FOXJ2: variants seen among roughly 807,000 people sequenced by gnomAD.
FOXJ2 encodes forkhead box protein J2.
In FOXJ2, 18 loss-of-function variants were observed where a neutral mutation model predicts 68.4. The ratio of observed to expected loss-of-function variants is 0.26; its 90% CI spans 0.18 to 0.39. The LOEUF is 0.39. Ranked by LOEUF, FOXJ2 falls within the 10% of genes least tolerant of loss-of-function variation. FOXJ2 has a pLI of 1.00. For missense variants in FOXJ2, 670 were observed against 726.5 expected (o/e 0.92, Z 0.89); for synonymous variants, 274 against 263.2 (o/e 1.04, Z -0.40).
rs778446450 is a variant in FOXJ2 at position 8,047,979 on chromosome 12, G to A, written c.915G>A (p.Gln305=). ...CACCTCAACAGCAGCAGCAGCAGCA[G>A]CAGCCGCCACAGCCACCTCCCCAGC... ...PPPPQQQQQQ[Q]QPPQPPPQQS... Residue 305 remains glutamine (Q), a synonymous_variant, in exon 7 of 11, where the codon CAG becomes CAA. Transcript: ENST00000162391. 5.6e-6 allele frequency: 9 copies of A among 1,612,874 alleles called. No individual in the cohort carries two copies. Among genetic ancestry groups the A allele is most frequent in the African/African-American group, 4.0e-5 (3 of 74,896 alleles).
chr12:8,048,644 G>T (rs1565630559), intron 7 of FOXJ2, 53 bp from the exon 8 acceptor site: 73 of 1,494,354 alleles, frequency 4.9e-5, no homozygotes, highest in Non-Finnish European at 6.7e-5. Context: ...TCAGTTGACT[G>T]CTGTCTTACA....
In FOXJ2 at chr12:8,048,084, C is replaced by G; in HGVS notation, c.1020C>G (p.Ser340Arg). ...VGGAPPLHTP[S>R]TDGCTPPGGK... Reference sequence around the variant, plus strand: ...GTGCTCCTCCACTGCACACCCCAAGCACAGATGGTTGTACCCCACCAGGGG... The same window carrying G: ...GTGCTCCTCCACTGCACACCCCAAGGACAGATGGTTGTACCCCACCAGGGG... Residue 340 changes from serine to arginine, a missense_variant, in exon 7 of 11, where the codon AGC (serine) becomes AGG (arginine). Physicochemically the swap from Ser to Arg is moderately radical, Grantham distance 110. This residue lies in a region of FOXJ2 where 555 missense variants were observed against 562.2 expected (regional missense o/e 0.99). Coordinates refer to ENST00000162391, the MANE Select transcript of FOXJ2 (RefSeq NM_018416.3). 6.2e-7 allele frequency: 1 copy of G among 1,612,164 alleles called. No individual in the cohort carries two copies. Among genetic ancestry groups the G allele is most frequent in the South Asian group, 1.1e-5 (1 of 90,864 alleles).
chr12:8,041,513 T>C (rs376763364), intron 2 of FOXJ2, among the ~76,000 whole-genome samples: 67 of 144,266 alleles, frequency 4.6e-4, no homozygotes, highest in Middle Eastern at 3.6e-3. Flanking sequence ...CAGCCTCTCT[T>C]TTTTTTTTTT....
At chr12:8,037,003 C>T (rs1946905140) in intron 1 of FOXJ2, among the ~76,000 whole-genome samples, 3 of 152,266 alleles carry the variant, frequency 2.0e-5, no homozygotes, top group South Asian at 4.2e-4. Context: ...AAAGGAAAAT[C>T]GCTTGAACCT....
In FOXJ2 at chr12:8,040,052, C is replaced by T; in HGVS notation, c.220C>T (p.Leu74Phe). ...DGKPRYSYATLITYAINSSPA... is the reference protein window; with the variant it reads ...DGKPRYSYATFITYAINSSPA... Reference sequence around the variant, plus strand: ...CAAGCCACGATACAGCTATGCCACTCTCATCACCTATGCCATCAACTCCTC... The same window carrying T: ...CAAGCCACGATACAGCTATGCCACTTTCATCACCTATGCCATCAACTCCTC... Residue 74 changes from leucine to phenylalanine, a missense_variant, in exon 2 of 11, where the codon CTC (leucine) becomes TTC (phenylalanine). Physicochemically the swap from Leu to Phe is conservative, Grantham distance 22. Coordinates refer to ENST00000162391, the MANE Select transcript of FOXJ2 (RefSeq NM_018416.3). This position sits in a 1 kb window ranked among gnomAD's most constrained non-coding sequence, Gnocchi z 4.0. 1 of 1,614,162 alleles carries T rather than the reference C, an allele frequency of 6.2e-7. No individual in the cohort carries two copies. Among genetic ancestry groups the T allele is most frequent in the Non-Finnish European group, 8.5e-7 (1 of 1,180,030 alleles).
chr12:8,036,455 C>CT (rs1234565742), intron 1 of FOXJ2, among the ~76,000 whole-genome samples: 4 of 152,172 alleles, frequency 2.6e-5, no homozygotes, highest in African/African-American at 9.7e-5. Context: ...GGACCCTGCC[C>CT]TTTGGCTGCC....
chr12:8,043,642 C>T, intron 3 of FOXJ2, 59 bp from the exon 4 acceptor site: 1 of 1,569,804 alleles, frequency 6.4e-7, no homozygotes, highest in South Asian at 1.1e-5. Flanking sequence ...ATACCCAGAA[C>T]CCTGGGAGGT....
intron 9 of FOXJ2, 99 bp from the exon 10 acceptor site, chr12:8,050,423 A>G: frequency 1.3e-6 from 2 of 1,487,556 alleles, no homozygotes; most frequent in South Asian, 2.8e-5. Flanking sequence ...GGAAGAGAGA[A>G]GGAGGATGGG....
Position 8,047,989 on chromosome 12 carries a change from C to G in FOXJ2, c.925C>G (p.Gln309Glu), listed in dbSNP as rs770114949. The part of the protein sequence containing the change: ...QQQQQQQQPP[Q>E]PPPQQSQPQQ... ...GCAGCAGCAGCAGCAGCAGCCGCCA[C>G]AGCCACCTCCCCAGCAGTCCCAGCC... The change falls in exon 7 of 11, where the codon CAG becomes GAG. Residue 309 changes from glutamine to glutamate, a missense_variant. This residue lies in a region of FOXJ2 where 555 missense variants were observed against 562.2 expected (regional missense o/e 0.99). Coordinates refer to ENST00000162391, the MANE Select transcript of FOXJ2 (RefSeq NM_018416.3). The G allele has an allele frequency of 1.9e-6, 3 of 1,613,834 alleles. No homozygotes were observed. Among genetic ancestry groups the G allele is most frequent in the Non-Finnish European group, 2.5e-6 (3 of 1,179,892 alleles).
Position 8,048,169 on chromosome 12 carries a change from C to T in FOXJ2, c.1105C>T (p.Pro369Ser). 3 of 1,613,992 alleles carry T rather than the reference C, an allele frequency of 1.9e-6. No individual in the cohort carries two copies. Among genetic ancestry groups the T allele is most frequent in the Middle Eastern group, 1.7e-4 (1 of 6,060 alleles). The stretch of plus-strand genomic sequence containing the variant: ...CCCTGTAATGGCCATGCATCCACCC[C>T]CGCTGCAGCATGGAGGCTACCACCC... ...PPPVMAMHPP[P>S]LQHGGYHPHQ... is the part of the protein sequence containing the mutation. Residue 369 changes from proline to serine, a missense_variant, in exon 7 of 11, where the codon CCG (proline) becomes TCG (serine). This residue lies in a region of FOXJ2 where 555 missense variants were observed against 562.2 expected (regional missense o/e 0.99). Transcript: ENST00000162391.
rs757919124 is a variant in FOXJ2 at position 8,048,083 on chromosome 12, G to A, written c.1019G>A (p.Ser340Asn). 6.2e-7 allele frequency: 1 copy of A among 1,612,380 alleles called. No individual in the cohort carries two copies. Among genetic ancestry groups the A allele is most frequent in the Non-Finnish European group, 8.5e-7 (1 of 1,178,942 alleles). The change falls in exon 7 of 11, where the codon AGC becomes AAC. Residue 340 changes from serine to asparagine, a missense_variant. By Grantham distance (46) the Ser-to-Asn change is conservative (BLOSUM62 1). This residue lies in a region of FOXJ2 where 555 missense variants were observed against 562.2 expected (regional missense o/e 0.99). Coordinates refer to ENST00000162391, the MANE Select transcript of FOXJ2 (RefSeq NM_018416.3). ...GGTGCTCCTCCACTGCACACCCCAA[G>A]CACAGATGGTTGTACCCCACCAGGG... ...VGGAPPLHTP[S>N]TDGCTPPGGK...
chr12:8,047,961 A>ACAG lies in FOXJ2; in HGVS notation c.917_919dup (p.Gln306dup), dbSNP rs372118289. The ACAG allele has an allele frequency of 1.4e-3, 2,214 of 1,609,890 alleles. 15 individuals are homozygous for ACAG. The African/African-American group carries it at 0.023, about 16-fold the overall frequency. ...AGCAGCAGCAGCCACCGCCACCTCA[A>ACAG]CAGCAGCAGCAGCAGCAGCAGCCGC... On this transcript the variant is annotated inframe_insertion, in exon 7 of 11. Coordinates refer to ENST00000162391, the MANE Select transcript of FOXJ2 (RefSeq NM_018416.3).
chr12:8,049,659 A>AT, intron 9 of FOXJ2, 88 bp downstream of exon 9: 1 of 1,290,556 alleles, frequency 7.7e-7, no homozygotes, highest in Non-Finnish European at 1.0e-6. Flanking sequence ...GAGAGAAAGG[A>AT]TTTTATGGGG....
chr12:8,044,979 G>A, intron 6 of FOXJ2, 21 bp downstream of exon 6: 1 of 1,603,752 alleles, frequency 6.2e-7, no homozygotes, highest in South Asian at 1.1e-5. Flanking sequence ...AGTTGGGATG[G>A]GTGCAGGGAG....
chr12:8,048,628 C>T (rs1947072889), intron 7 of FOXJ2, 69 bp from the exon 8 acceptor site: 1 of 1,408,246 alleles, frequency 7.1e-7, no homozygotes, highest in South Asian at 1.2e-5. Flanking sequence ...TGTAGTCAGC[C>T]TGGTATCAGT....
intron 4 of FOXJ2, 77 bp from the exon 5 acceptor site, chr12:8,043,874 C>G: frequency 6.3e-7 from 1 of 1,592,940 alleles, no homozygotes. Flanking sequence ...GAAGGAATAC[C>G]AGCAGAGGGG....
At chr12:8,048,962 TAACTC>T (rs1947078042) in intron 8 of FOXJ2, among the ~76,000 whole-genome samples, 164 bp downstream of exon 8, 1 of 152,254 alleles carries the variant, frequency 6.6e-6, no homozygotes, top group Admixed American at 6.5e-5. Context: ...ATTTTCAAAT[TAACTC>T]AAATTAATCT....
intron 1 of FOXJ2, among the ~76,000 whole-genome samples, chr12:8,037,924 T>G (rs775739280): frequency 4.6e-5 from 7 of 152,294 alleles, no homozygotes; most frequent in African/African-American, 1.7e-4. Context: ...TTTCCAAGTT[T>G]CCATGGTTAG....
intron 3 of FOXJ2, among the ~76,000 whole-genome samples, chr12:8,043,078 G>C (rs1424623806): frequency 6.6e-6 from 1 of 151,880 alleles, no homozygotes; most frequent in African/African-American, 2.4e-5. Flanking sequence ...TTAGCCAGGC[G>C]TGGTGGTACA....
Sources: gnomAD v4.1 joint callset for allele counts (sites outside exome capture counted in the v4.1 genomes callset) on GRCh38, gnomAD v4.1.1 for gene constraint, gnomAD v4.1.1 regional missense constraint, Gnocchi (gnomAD v3.1) non-coding constraint, MANE v1.5 for transcripts, NCBI Gene and HGNC (gene_info 2026-07-23, HGNC 2026-07-21) for gene names.